Variants in TBATA observed in about 807,000 individuals in gnomAD.
The protein encoded by TBATA is thymus, brain and testes associated, also known as protein TBATA.
In TBATA, 47 loss-of-function variants were observed where a neutral mutation model predicts 38.7. That is an observed-to-expected ratio of 1.21 (90% confidence interval 0.96 to 1.55). The LOEUF (loss-of-function observed/expected upper bound fraction) is 1.55. TBATA is among the 40% of genes most tolerant of loss of function. TBATA has a pLI of 0.00. For missense variants in TBATA, 436 were observed against 435.6 expected, an observed-to-expected ratio of 1.00 and a Z score of -0.01; for synonymous variants, 183 against 170.5, an observed-to-expected ratio of 1.07 and a Z score of -0.57.
intron 2 of TBATA, among the ~76,000 whole-genome samples, chr10:70,784,051 G>A (rs967138414): frequency 7.9e-5 from 12 of 152,116 alleles, no homozygotes; most frequent in African/African-American, 2.9e-4. Context: ...TTTCATAAAT[G>A]GTTTAGTTTA....
chr10:70,777,253 C>G lies in TBATA; in HGVS notation c.593G>C (p.Arg198Pro), dbSNP rs370128523. The G allele has an allele frequency of 7.4e-6, 12 of 1,613,488 alleles. No homozygotes were observed. In the African/African-American group the frequency reaches 8.0e-5, roughly 11 times the overall value. The change falls in exon 7 of 11, where the codon CGG (arginine) becomes CCG (proline). Residue 198 changes from arginine to proline, a missense_variant. By Grantham distance (103) the Arg-to-Pro change is moderately radical. Transcript: ENST00000456372. Reference protein sequence around the residue: ...ETGRLIPASTRAVGRRRSHQG... With the variant: ...ETGRLIPASTPAVGRRRSHQG... ...GTGAGATCTGCGGCGGCCGACAGCC[C>G]GGGTGGAAGCGGGGATGAGCCTCCC...
chr10:70,777,939 T>C (rs1843641960), intron 6 of TBATA: 1 of 341,278 alleles, frequency 2.9e-6, no homozygotes, highest in Non-Finnish European at 5.8e-6. Context: ...GAGTTAGTTG[T>C]GAGCAGGAAT....
chr10:70,780,417 C>T (rs1844041866), intron 4 of TBATA, among the ~76,000 whole-genome samples: 1 of 152,084 alleles, frequency 6.6e-6, no homozygotes, highest in Non-Finnish European at 1.5e-5. Flanking sequence ...TCACTCTTGT[C>T]CCGGCTCCCT....
intron 3 of TBATA, chr10:70,782,750 A>G (rs960599832): frequency 5.7e-5 from 38 of 665,524 alleles, no homozygotes; most frequent in Middle Eastern, 7.4e-4. Flanking sequence ...CTGCCCTTGG[A>G]GGAAGGTCAA....
At chr10:70,782,258 G>C in intron 3 of TBATA, 1 of 1,447,042 alleles carries the variant, frequency 6.9e-7, no homozygotes, top group Non-Finnish European at 9.3e-7. Context: ...TTATCAGGGA[G>C]CTGGCATCCA....
intron 10 of TBATA, among the ~76,000 whole-genome samples, chr10:70,771,969 G>A (rs556893268): frequency 8.5e-5 from 13 of 152,092 alleles, no homozygotes; most frequent in Admixed American, 5.9e-4. Context: ...GGCCTTTACC[G>A]CAGGCCAGCT....
At chr10:70,778,181 C>T (rs1843669539) in intron 6 of TBATA, among the ~76,000 whole-genome samples, 1 of 152,166 alleles carries the variant, frequency 6.6e-6, no homozygotes, top group South Asian at 2.1e-4. Context: ...CAAGCTGCTC[C>T]TCCCCACATG....
intron 10 of TBATA, chr10:70,772,139 C>A: frequency 2.1e-6 from 1 of 474,154 alleles, no homozygotes; most frequent in South Asian, 1.6e-5. Flanking sequence ...TGCCGTTCAG[C>A]TCTAGGAGCC....
chr10:70,782,594 T>C (rs1844385877), intron 3 of TBATA: 1 of 985,278 alleles, frequency 1.0e-6, no homozygotes, highest in Admixed American at 6.1e-5. Flanking sequence ...GGGTCCCTCC[T>C]AGGAGAGGAA....
chr10:70,779,894 A>T (rs1843944299), intron 4 of TBATA, 152 bp from the exon 5 acceptor site: 1 of 810,098 alleles, frequency 1.2e-6, no homozygotes, highest in Admixed American at 4.0e-5. Flanking sequence ...AGGGCATTGT[A>T]ACCACCTAGA....
chr10:70,775,488 T>C (rs1172451125), intron 7 of TBATA, among the ~76,000 whole-genome samples: 2 of 152,184 alleles, frequency 1.3e-5, no homozygotes, highest in Non-Finnish European at 2.9e-5. Flanking sequence ...AGGAGGAAGA[T>C]TCTTAATCTT....
chr10:70,774,151 C>G (rs1300683736), intron 9 of TBATA, 62 bp downstream of exon 9: 4 of 1,592,200 alleles, frequency 2.5e-6, no homozygotes, highest in African/African-American at 2.7e-5. Flanking sequence ...TCTCCAGGTC[C>G]CACTGGCCTC....
intron 8 of TBATA, 151 bp from the exon 9 acceptor site, chr10:70,774,508 C>T: frequency 2.9e-6 from 2 of 701,544 alleles, no homozygotes; most frequent in East Asian, 2.7e-5. Flanking sequence ...TCCCCCTTCT[C>T]TCCTGGCCCA....
rs771239546 is a variant in TBATA at position 70,781,987 on chromosome 10, T to C, written c.91A>G (p.Ser31Gly). Residue 31 changes from serine (S) to glycine (G), a missense_variant, in exon 4 of 11, where the codon AGC becomes GGC. Transcript: ENST00000456372. Reference sequence around the variant, plus strand: ...TTCTGTGGCCCACTGTCCCTGGGGCTCCTTGGCTTGCGCCCTGACTTCTTC... The same window carrying C: ...TTCTGTGGCCCACTGTCCCTGGGGCCCCTTGGCTTGCGCCCTGACTTCTTC... Reference protein sequence around the residue: ...LEKKSGRKPRSPRDSGPQKEL... With the variant: ...LEKKSGRKPRGPRDSGPQKEL... 6.2e-7 allele frequency: 1 copy of C among 1,614,240 alleles called. No homozygotes were observed. The highest frequency in any genetic ancestry group is 8.5e-7 in the Non-Finnish European group (1 of 1,180,042).
chr10:70,782,532 G>A (rs1008917310), intron 3 of TBATA: 2 of 1,265,584 alleles, frequency 1.6e-6, no homozygotes, highest in Admixed American at 4.8e-5. Flanking sequence ...AGCGTCCAGA[G>A]GCCAGAGCTG....
At chr10:70,772,636 G>A in intron 9 of TBATA, 70 bp from the exon 10 acceptor site, 1 of 1,527,300 alleles carries the variant, frequency 6.5e-7, no homozygotes, top group Middle Eastern at 1.7e-4. Flanking sequence ...TGGCAGGGGA[G>A]ACAGGGAGGT....
intron 5 of TBATA, 28 bp downstream of exon 5, chr10:70,779,565 T>C: frequency 1.8e-5 from 26 of 1,455,118 alleles, no homozygotes; most frequent in Non-Finnish European, 2.2e-5. Context: ...AGCCCCAGGG[T>C]AGAGGGAGGC....
intron 4 of TBATA, among the ~76,000 whole-genome samples, chr10:70,781,031 T>TGGCCCAAATGCCTACCTGATCTG (rs1844140614): frequency 6.6e-6 from 1 of 152,194 alleles, no homozygotes; most frequent in Non-Finnish European, 1.5e-5. Context: ...GTGACAATAG[T>TGGCCCAAATGCCTACCTGATCTG]GGCCCAAATG....
intron 3 of TBATA, among the ~76,000 whole-genome samples, chr10:70,782,858 G>A (rs986636711): frequency 2.0e-5 from 3 of 152,210 alleles, no homozygotes; most frequent in Non-Finnish European, 4.4e-5. Context: ...TGGCTGAAGG[G>A]AGTCCTTTTG....
Sources: gnomAD v4.1 joint callset for allele counts (sites outside exome capture counted in the v4.1 genomes callset) on GRCh38, gnomAD v4.1.1 for gene constraint, MANE v1.5 for transcripts, NCBI Gene and HGNC (gene_info 2026-07-23, HGNC 2026-07-21) for gene names.